The following HERC1 variants were observed in gnomAD, a reference collection of about 807,000 sequenced individuals.
HERC1 encodes the protein HECT and RLD domain containing E3 ubiquitin protein ligase family member 1.
Under a neutral mutation model 554.3 loss-of-function variants are expected in HERC1, and 160 were observed. The ratio of observed to expected loss-of-function variants is 0.29; its 90% CI spans 0.25 to 0.33. The LOEUF (loss-of-function observed/expected upper bound fraction) is 0.33, where lower values mean the gene tolerates loss of function less well. HERC1 is among the 10% of genes least tolerant of loss of function. The pLI is 1.00. For missense variants in HERC1, 4,919 were observed against 5,918.5 expected, an observed-to-expected ratio of 0.83 and a Z score of 5.54; for synonymous variants, 2,175 against 2,131.7, an observed-to-expected ratio of 1.02 and a Z score of -0.56.
chr15:63,653,653 C>A (rs1427659435), intron 51 of HERC1, among the ~76,000 whole-genome samples: 1 of 152,050 alleles, frequency 6.6e-6, no homozygotes, highest in Non-Finnish European at 1.5e-5. Flanking sequence ...ATATATCCTC[C>A]CATGTAATTT....
rs375092246 is a variant in HERC1, at chr15:63,712,861, G to A, written c.4498C>T (p.His1500Tyr). Residue 1500 changes from histidine to tyrosine, a missense_variant, in exon 24 of 78, where the codon CAC (histidine) becomes TAC (tyrosine). Around this residue, in one of 11 missense-constraint regions of HERC1, gnomAD observed 1,121 missense variants for 1,244.0 expected, o/e 0.90. Coordinates refer to ENST00000443617, the MANE Select transcript of HERC1 (RefSeq NM_003922.4). ...ESLTAESRLV[H>Y]TSPNYRLIKS... ...ATCAGTCTATAATTTGGGCTTGTGT[G>A]GACTAGCCGGCTCTCTGCAGTAAGA... 5.6e-6 allele frequency: 9 copies of A among 1,613,414 alleles called. No individual in the cohort carries two copies. The highest frequency in any genetic ancestry group is 4.0e-5 in the African/African-American group (3 of 74,900).
At position 63,686,489 on chromosome 15, in the gene HERC1, T is replaced by C; in HGVS notation, c.6095A>G (p.Glu2032Gly). The C allele has an allele frequency of 1.2e-6, 2 of 1,613,876 alleles. No homozygotes were observed. The highest frequency in any genetic ancestry group is 8.5e-7 in the Non-Finnish European group (1 of 1,179,828). The change falls in exon 34 of 78, where the codon GAA becomes GGA. Residue 2032 changes from glutamate (E) to glycine (G), a missense_variant. By Grantham distance (98) the Glu-to-Gly change is moderately conservative. Around this residue, in one of 11 missense-constraint regions of HERC1, gnomAD observed 1,121 missense variants for 1,244.0 expected, o/e 0.90. Coordinates refer to ENST00000443617, the MANE Select transcript of HERC1 (RefSeq NM_003922.4). ...EEEDENLPIQ[E>G]VSFDPEKAQC... is the part of the protein sequence containing the mutation. ...AGCTTTCTCCGGGTCAAAGGATACTTCTTGGATAGGAAGATTCTCATCTTC... is the reference window on the plus strand; with the variant it reads ...AGCTTTCTCCGGGTCAAAGGATACTCCTTGGATAGGAAGATTCTCATCTTC...
At chr15:63,748,490 T>G (rs546357074) in intron 10 of HERC1, among the ~76,000 whole-genome samples, 12 of 152,238 alleles carry the variant, frequency 7.9e-5, no homozygotes, top group Non-Finnish European at 1.6e-4. Flanking sequence ...ATATTTCATA[T>G]TAAGAAAAAT....
intron 57 of HERC1, among the ~76,000 whole-genome samples, chr15:63,643,856 T>C (rs186995409): frequency 1.3e-5 from 2 of 152,376 alleles, no homozygotes. Context: ...TGACTACTTT[T>C]TAACCAGTGT....
In HERC1 at chr15:63,803,568, G is replaced by A. The variant is rs765936950; in HGVS notation, c.-26-27919C>T. Among the ~76,000 whole-genome samples the A allele has an allele frequency of 3.3e-5, 5 of 152,246 alleles. No homozygotes were observed. In the East Asian group the frequency reaches 7.7e-4, roughly 23 times the overall value. On this transcript the variant is annotated intron_variant, in intron 1 of 77. Coordinates refer to ENST00000443617, the MANE Select transcript of HERC1 (RefSeq NM_003922.4). Reference sequence around the variant, plus strand: ...CTCCTAAAGTGCTAGGATTATAGGCGTGAGCCAACACGCCCAGCCCCATAC... The same window carrying A: ...CTCCTAAAGTGCTAGGATTATAGGCATGAGCCAACACGCCCAGCCCCATAC...
At position 63,637,363 on chromosome 15, in the gene HERC1, C is replaced by A; in HGVS notation, c.12232+142G>T. ...AAAATATGGAAATTAAGGCTGCACA[C>A]ATGCCTAAATAAGGATTTAAATGTA... On this transcript the variant is annotated intron_variant, in intron 64 of 77. Transcript: ENST00000443617. 6 of 682,596 alleles carry A rather than the reference C, an allele frequency of 8.8e-6. 1 individual carries two copies. The South Asian group carries it at 1.2e-4, about 13-fold the overall frequency. 42.3% of individuals were successfully genotyped at this position (682,596 alleles called of 1,614,324 possible).
In HERC1 at chr15:63,609,074, C is replaced by T; in HGVS notation, c.*7G>A. 1.9e-6 allele frequency: 3 copies of T among 1,610,200 alleles called. No homozygotes were observed. Among genetic ancestry groups the T allele is most frequent in the Admixed American group, 1.7e-5 (1 of 59,716 alleles). Reference sequence around the variant, plus strand: ...GGAGAGAAGGGAGGGTGAGAGCACCCGCACGGTCAGTAGTCAGTGTCGGAG... The same window carrying T: ...GGAGAGAAGGGAGGGTGAGAGCACCTGCACGGTCAGTAGTCAGTGTCGGAG... On this transcript the variant is annotated 3_prime_UTR_variant, in exon 78 of 78. Coordinates refer to ENST00000443617, the MANE Select transcript of HERC1 (RefSeq NM_003922.4).
At chr15:63,729,094 C>T in intron 16 of HERC1, 142 bp downstream of exon 16, 1 of 792,774 alleles carries the variant, frequency 1.3e-6, no homozygotes, top group Non-Finnish European at 2.0e-6. Flanking sequence ...TACCCCCAAA[C>T]CAAGACTAAA....
At position 63,612,207 on chromosome 15, in the gene HERC1, C is replaced by G; in HGVS notation, c.14400+44G>C. On this transcript the variant is annotated intron_variant, in intron 77 of 77. Coordinates refer to ENST00000443617, the MANE Select transcript of HERC1 (RefSeq NM_003922.4). The surrounding 1 kb of genome is among the most constrained non-coding windows in gnomAD (Gnocchi z 5.0). Reference sequence around the variant, plus strand: ...TGTCTCAACAAAAACAACAATGAAGCAATAAGGCAGACATTACAAAGGAAA... The same window carrying G: ...TGTCTCAACAAAAACAACAATGAAGGAATAAGGCAGACATTACAAAGGAAA... The G allele has an allele frequency of 6.7e-7, 1 of 1,494,128 alleles. No homozygotes were observed. The highest frequency in any genetic ancestry group is 9.1e-7 in the Non-Finnish European group (1 of 1,102,560). 92.6% of individuals were successfully genotyped at this position (1,494,128 alleles called of 1,614,324 possible).
intron 45 of HERC1, 130 bp from the exon 46 acceptor site, chr15:63,661,155 T>C: frequency 1.5e-6 from 1 of 679,868 alleles, no homozygotes. Flanking sequence ...ATGTTTCATG[T>C]TATAGGCTAA....
chr15:63,702,963 G>A (rs1194847882), intron 25 of HERC1, among the ~76,000 whole-genome samples: 1 of 152,074 alleles, frequency 6.6e-6, no homozygotes, highest in Non-Finnish European at 1.5e-5. Flanking sequence ...AATTAGCTGG[G>A]CTTAGCAGCA....
intron 6 of HERC1, 63 bp from the exon 7 acceptor site, chr15:63,754,711 T>A: frequency 7.0e-7 from 1 of 1,429,124 alleles, no homozygotes; most frequent in South Asian, 1.4e-5. Context: ...AGGCCTTGAC[T>A]TCACAAGTAT....
At position 63,775,241 on chromosome 15, in the gene HERC1, T is replaced by C; in HGVS notation, c.383A>G (p.Lys128Arg). 1 of 1,614,048 alleles carries C rather than the reference T, an allele frequency of 6.2e-7. No individual in the cohort carries two copies. The highest frequency in any genetic ancestry group is 8.5e-7 in the Non-Finnish European group (1 of 1,179,884). The change falls in exon 2 of 78, where the codon AAG becomes AGG. Residue 128 changes from lysine to arginine, a missense_variant. By Grantham distance (26) the Lys-to-Arg change is conservative. Coordinates refer to ENST00000443617, the MANE Select transcript of HERC1 (RefSeq NM_003922.4). The surrounding 1 kb of genome is among the most constrained non-coding windows in gnomAD (Gnocchi z 4.0). The part of the protein sequence containing the change: ...SNKYHDKGKV[K>R]QQQHSPESSS... Reference sequence around the variant, plus strand: ...GCTCTCCGGAGAATGCTGCTGCTGCTTCACCTTGCCTTTGTCATGGTATTT... The same window carrying C: ...GCTCTCCGGAGAATGCTGCTGCTGCCTCACCTTGCCTTTGTCATGGTATTT...
At chr15:63,619,457 C>A (rs1264404990) in intron 74 of HERC1, among the ~76,000 whole-genome samples, 1 of 152,064 alleles carries the variant, frequency 6.6e-6, no homozygotes, top group Admixed American at 6.5e-5. Context: ...CTAAAATTCT[C>A]TTTTTTTGTT....
intron 39 of HERC1, among the ~76,000 whole-genome samples, chr15:63,671,281 G>C (rs1001333289): frequency 2.0e-5 from 3 of 151,480 alleles, no homozygotes; most frequent in Non-Finnish European, 4.4e-5. Flanking sequence ...GAGGCAGGAG[G>C]ATGGCTTGAA....
At chr15:63,614,747 T>C (rs549849982) in intron 76 of HERC1, among the ~76,000 whole-genome samples, 1 of 152,244 alleles carries the variant, frequency 6.6e-6, no homozygotes, top group East Asian at 1.9e-4. Context: ...TATGACCACA[T>C]GAGTGGTCAC....
At chr15:63,639,329 T>C (rs1003611837) in intron 61 of HERC1, among the ~76,000 whole-genome samples, 2 of 152,238 alleles carry the variant, frequency 1.3e-5, no homozygotes, top group African/African-American at 4.8e-5. Context: ...CTGTTACAAA[T>C]GCCTAGAGCA....
intron 64 of HERC1, chr15:63,636,977 T>C (rs1435184075): frequency 2.8e-6 from 1 of 362,524 alleles, no homozygotes; most frequent in Non-Finnish European, 5.4e-6. Context: ...TAGTTACTTG[T>C]ATGCTTTTAC....
At chr15:63,649,145 G>C (rs927233696) in intron 54 of HERC1, among the ~76,000 whole-genome samples, 1 of 152,202 alleles carries the variant, frequency 6.6e-6, no homozygotes, top group Non-Finnish European at 1.5e-5. Context: ...ACAAGGTGAG[G>C]AGATCGAGAC....
Sources: gnomAD v4.1 joint callset for allele counts (sites outside exome capture counted in the v4.1 genomes callset) on GRCh38, gnomAD v4.1.1 for gene constraint, gnomAD v4.1.1 regional missense constraint, Gnocchi (gnomAD v3.1) non-coding constraint, MANE v1.5 for transcripts, NCBI Gene and HGNC (gene_info 2026-07-23, HGNC 2026-07-21) for gene names.